The following PDE4D variants were observed in gnomAD, a reference collection of about 807,000 sequenced individuals.
PDE4D encodes phosphodiesterase 4D, also known as 3',5'-cyclic-AMP phosphodiesterase 4D.
Under a neutral mutation model 87.4 loss-of-function variants are expected in PDE4D, and 24 were observed. The ratio of observed to expected loss-of-function variants is 0.27; its 90% CI spans 0.20 to 0.39. The LOEUF (loss-of-function observed/expected upper bound fraction) is 0.39, where lower values mean the gene tolerates loss of function less well. Ranked by LOEUF, PDE4D falls within the 10% of genes least tolerant of loss-of-function variation. PDE4D has a pLI of 1.00. For synonymous variants in PDE4D, 384 were observed against 383.2 expected, an observed-to-expected ratio of 1.00 and a Z score of -0.02; for missense variants, 714 against 1,041.0, an observed-to-expected ratio of 0.69 and a Z score of 4.32.
At chr5:59,006,947 T>C (rs921077729) in intron 6 of PDE4D, among the ~76,000 whole-genome samples, 12 of 152,096 alleles carry the variant, frequency 7.9e-5, no homozygotes, top group Non-Finnish European at 1.5e-5. Context: ...CAGTAGTAAG[T>C]AACAGGGCCA....
chr5:59,926,361 G>C (rs1755274323), intron 3 of PDE4D, among the ~76,000 whole-genome samples: 1 of 151,964 alleles, frequency 6.6e-6, no homozygotes, highest in Non-Finnish European at 1.5e-5. Flanking sequence ...ACAGTTGCAA[G>C]CAGTAATAAG....
chr5:60,166,943 T>C (rs756204419), intron 2 of PDE4D, among the ~76,000 whole-genome samples: 5 of 152,146 alleles, frequency 3.3e-5, no homozygotes, highest in Non-Finnish European at 7.4e-5. Context: ...CCTTATGTGT[T>C]GTATGCTTAT....
At chr5:59,015,825 GTA>G (rs1190973652) in intron 6 of PDE4D, among the ~76,000 whole-genome samples, 2 of 152,114 alleles carry the variant, frequency 1.3e-5, no homozygotes, top group Non-Finnish European at 2.9e-5. Flanking sequence ...ACATTCACAT[GTA>G]TGTTTACTGC....
At chr5:59,885,717 T>C (rs1340072534) in intron 1 of PDE4D, among the ~76,000 whole-genome samples, 1 of 132,206 alleles carries the variant, frequency 7.6e-6, no homozygotes, top group Non-Finnish European at 1.7e-5. Flanking sequence ...TTATTTTCAC[T>C]CTTACATGTT....
intron 1 of PDE4D, among the ~76,000 whole-genome samples, chr5:59,297,904 G>A (rs936692928): frequency 2.4e-4 from 36 of 152,146 alleles, no homozygotes; most frequent in African/African-American, 8.7e-4. Context: ...GAGACACCTG[G>A]AGTAATGTGG....
At chr5:60,506,946 C>T (rs1361101963) in intron 1 of PDE4D, among the ~76,000 whole-genome samples, 3 of 152,104 alleles carry the variant, frequency 2.0e-5, no homozygotes, top group African/African-American at 7.2e-5. Context: ...AAAAGAAACA[C>T]CTCTAGTCCT....
At chr5:59,995,376 T>C (rs2152835224) in intron 2 of PDE4D, among the ~76,000 whole-genome samples, 1 of 150,610 alleles carries the variant, frequency 6.6e-6, no homozygotes, top group South Asian at 2.1e-4. Flanking sequence ...TGGATTGCAA[T>C]GGCATGATCT....
intron 6 of PDE4D, among the ~76,000 whole-genome samples, chr5:59,004,789 T>A (rs1751261579): frequency 6.6e-6 from 1 of 152,252 alleles, no homozygotes; most frequent in Admixed American, 6.5e-5. Context: ...CTGTCCCATG[T>A]ATCCCAGGAC....
At chr5:59,743,474 C>T (rs1019022340) in intron 1 of PDE4D, among the ~76,000 whole-genome samples, 2 of 152,036 alleles carry the variant, frequency 1.3e-5, no homozygotes, top group Non-Finnish European at 2.9e-5. Context: ...CAAATCAAAA[C>T]CTCAATAAGA....
chr5:59,390,616 T>C (rs944377800), intron 1 of PDE4D, among the ~76,000 whole-genome samples: 1 of 152,126 alleles, frequency 6.6e-6, no homozygotes, highest in Non-Finnish European at 1.5e-5. Context: ...AAATGAAAAA[T>C]GATTGTTATA....
intron 6 of PDE4D, among the ~76,000 whole-genome samples, chr5:59,015,204 T>C (rs1047921966): frequency 3.7e-4 from 56 of 152,292 alleles, no homozygotes; most frequent in African/African-American, 1.3e-3. Context: ...ATTCAGGACA[T>C]AGGCATGGGC....
intron 1 of PDE4D, among the ~76,000 whole-genome samples, chr5:59,479,094 A>G (rs899503612): frequency 8.0e-5 from 12 of 149,574 alleles, no homozygotes; most frequent in Admixed American, 7.9e-4. Context: ...TTCAGTGCAC[A>G]AGGCAAAGGC....
At chr5:59,780,953 G>A (rs555336380) in intron 1 of PDE4D, among the ~76,000 whole-genome samples, 1 of 151,942 alleles carries the variant, frequency 6.6e-6, no homozygotes, top group South Asian at 2.1e-4. Flanking sequence ...GATCACCTGA[G>A]GTCAGGAGTT....
chr5:59,019,018 G>C (rs1580329314), intron 6 of PDE4D, among the ~76,000 whole-genome samples: 1 of 149,582 alleles, frequency 6.7e-6, no homozygotes, highest in Admixed American at 6.7e-5. Context: ...TAGATACATA[G>C]CCTTACCTAA....
intron 2 of PDE4D, among the ~76,000 whole-genome samples, chr5:60,010,322 C>T (rs1764908467): frequency 6.6e-6 from 1 of 152,136 alleles, no homozygotes; most frequent in African/African-American, 2.4e-5. Context: ...TAGTTTGCAA[C>T]AGTGCAAACA....
intron 2 of PDE4D, among the ~76,000 whole-genome samples, chr5:60,044,322 T>A (rs1202755435): frequency 2.6e-5 from 4 of 151,986 alleles, no homozygotes; most frequent in African/African-American, 9.7e-5. Context: ...TAAAAGATCC[T>A]GTTTCTTAAC....
intron 1 of PDE4D, among the ~76,000 whole-genome samples, chr5:59,326,485 A>C (rs1343649480): frequency 6.6e-6 from 1 of 152,158 alleles, no homozygotes; most frequent in African/African-American, 2.4e-5. Flanking sequence ...TGGCTAGTCC[A>C]AATTGAGATG....
chr5:59,115,872 T>C (rs1050164366), intron 5 of PDE4D, among the ~76,000 whole-genome samples: 1 of 152,194 alleles, frequency 6.6e-6, no homozygotes, highest in African/African-American at 2.4e-5. Context: ...TTCTTCAGTC[T>C]TCTGCAAGCC....
intron 3 of PDE4D, among the ~76,000 whole-genome samples, chr5:59,918,199 T>C (rs535011239): frequency 6.6e-6 from 1 of 152,256 alleles, no homozygotes; most frequent in African/African-American, 2.4e-5. Flanking sequence ...TATACTCAAG[T>C]CAGTTACTGG....
Sources: allele counts gnomAD v4.1 joint callset (sites outside exome capture counted in the v4.1 genomes callset), GRCh38; gene constraint gnomAD v4.1.1; transcripts MANE v1.5; gene names NCBI Gene and HGNC (gene_info 2026-07-23, HGNC 2026-07-21).